The following GAS7 variants were observed in gnomAD, a reference collection of about 807,000 sequenced individuals.
The protein encoded by GAS7 is growth arrest specific 7.
A neutral mutation model predicts 71.1 loss-of-function variants in GAS7; 28 were observed. That is an observed-to-expected ratio of 0.39 (90% CI 0.29 to 0.54). The LOEUF (loss-of-function observed/expected upper bound fraction) is 0.54, where lower values mean the gene tolerates loss of function less well. GAS7 is among the 20% of genes least tolerant of loss of function. GAS7 has a pLI of 0.62. For missense variants in GAS7, 436 were observed against 627.8 expected, an observed-to-expected ratio of 0.69 and a Z score of 3.27; for synonymous variants, 258 against 245.8, an observed-to-expected ratio of 1.05 and a Z score of -0.46.
At chr17:10,155,312 GGCCACCAATAACTCTTTTTAA>G (rs1291379451) in intron 1 of GAS7, among the ~76,000 whole-genome samples, 1 of 138,628 alleles carries the variant, frequency 7.2e-6, no homozygotes, top group East Asian at 2.2e-4. Flanking sequence ...CACCGTGCCC[GGCCACCAATAACTCTTTTTAA>G]GACAAGAAAT....
chr17:10,083,780 T>G (rs138954894), intron 1 of GAS7, among the ~76,000 whole-genome samples: 1,701 of 152,316 alleles, frequency 0.011, 32 homozygotes, highest in African/African-American at 0.039. Context: ...CTGATTGGTT[T>G]GTGAGTATGC....
At chr17:10,170,703 C>G (rs189240502) in intron 1 of GAS7, among the ~76,000 whole-genome samples, 1 of 152,340 alleles carries the variant, frequency 6.6e-6, no homozygotes, top group Admixed American at 6.5e-5. Flanking sequence ...TACTACATCT[C>G]CTACTTTCCA....
intron 1 of GAS7, among the ~76,000 whole-genome samples, chr17:10,127,692 G>A (rs1422737161): frequency 2.0e-5 from 3 of 152,190 alleles, no homozygotes; most frequent in Non-Finnish European, 4.4e-5. Flanking sequence ...GAAAGCAGGG[G>A]CAGAAGGCCC....
At chr17:9,956,848 G>C (rs1162272842) in intron 5 of GAS7, among the ~76,000 whole-genome samples, 1 of 152,206 alleles carries the variant, frequency 6.6e-6, no homozygotes, top group Non-Finnish European at 1.5e-5. Flanking sequence ...CCAGCCTCCT[G>C]AGACCTGAGC....
chr17:9,961,349 C>T (rs2069484450), intron 4 of GAS7, among the ~76,000 whole-genome samples: 1 of 152,174 alleles, frequency 6.6e-6, no homozygotes, highest in Admixed American at 6.6e-5. Context: ...GGAGAAGAGA[C>T]AGGGATAGAA....
chr17:10,097,865 G>A (rs1385403925), intron 1 of GAS7, among the ~76,000 whole-genome samples: 4 of 152,004 alleles, frequency 2.6e-5, no homozygotes, highest in African/African-American at 7.3e-5. Flanking sequence ...CCAACATAGC[G>A]AAACCCCGTC....
At chr17:10,038,118 G>A (rs1403543806) in intron 1 of GAS7, among the ~76,000 whole-genome samples, 1 of 151,730 alleles carries the variant, frequency 6.6e-6, no homozygotes, top group Admixed American at 6.6e-5. Flanking sequence ...AGCACTGTGG[G>A]AGGCCAAGAC....
At position 9,915,282 on chromosome 17, in the gene GAS7, C is replaced by T. The variant is rs998620948; in HGVS notation, c.*1946G>A. 7 of 230,980 alleles carry T rather than the reference C, an allele frequency of 3.0e-5. No individual in the cohort carries two copies. In the East Asian group the frequency reaches 4.3e-4, roughly 14 times the overall value. 14.3% of individuals were successfully genotyped at this position (230,980 alleles called of 1,614,324 possible). A position where few individuals can be genotyped will look rare whatever the true frequency, so the allele number is the denominator to read the frequency against. On this transcript the variant is annotated 3_prime_UTR_variant, in exon 14 of 14. Transcript: ENST00000432992. ...TCAAAATATCTTGTTAATAACAAGG[C>T]TATTGGCTTTGAATGTTTGGAAATC...
chr17:10,180,378 A>G (rs1014846240), intron 1 of GAS7, among the ~76,000 whole-genome samples: 2 of 151,514 alleles, frequency 1.3e-5, no homozygotes, highest in Admixed American at 6.6e-5. Flanking sequence ...AAGTTAAGGT[A>G]AATAATATGC....
At chr17:9,984,301 G>A (rs1254417380) in intron 2 of GAS7, among the ~76,000 whole-genome samples, 2 of 152,034 alleles carry the variant, frequency 1.3e-5, no homozygotes, top group African/African-American at 2.4e-5. Flanking sequence ...CAATACTCCC[G>A]CTCTCTAGGT....
At chr17:9,996,206 T>C (rs1210960767) in intron 2 of GAS7, among the ~76,000 whole-genome samples, 27 of 151,962 alleles carry the variant, frequency 1.8e-4, no homozygotes, top group Admixed American at 1.8e-3. Context: ...ATTAAGAAAA[T>C]GTGGCACATA....
intron 7 of GAS7, 40 bp downstream of exon 7, chr17:9,943,081 T>C (rs2068663923): frequency 3.7e-6 from 5 of 1,336,282 alleles, no homozygotes; most frequent in South Asian, 2.3e-5. Flanking sequence ...CGGGGAACAC[T>C]GGTGCCAGGC....
At chr17:10,098,043 C>CAAAAAA (rs34381280) in intron 1 of GAS7, among the ~76,000 whole-genome samples, 1,710 of 136,786 alleles carry the variant, frequency 0.013, 36 homozygotes, top group African/African-American at 0.042. Context: ...GACTCCATCT[C>CAAAAAA]AAAAAAAAAA....
chr17:10,036,798 A>G lies in GAS7; in HGVS notation c.184-16901T>C, dbSNP rs191755777. ...TCCCTCTTTTTCCCCTTTCTCAGCTAAAAAACGTTGGCTGAGGTCACAACA... is the reference window on the plus strand; with the variant it reads ...TCCCTCTTTTTCCCCTTTCTCAGCTGAAAAACGTTGGCTGAGGTCACAACA... On this transcript the variant is annotated intron_variant, in intron 1 of 13. Coordinates refer to ENST00000432992, the MANE Select transcript of GAS7 (RefSeq NM_201433.2). The G allele has an allele frequency of 2.9e-3, 3,202 of 1,098,650 alleles. 12 individuals are homozygous for G. Among genetic ancestry groups the G allele is most frequent in the Non-Finnish European group, 3.1e-3 (2,720 of 886,826 alleles). The allele number at this position is 1,098,650 out of a possible 1,614,324, so 68.1% of individuals were successfully genotyped here.
intron 1 of GAS7, among the ~76,000 whole-genome samples, chr17:10,178,696 C>G (rs546008401): frequency 8.8e-5 from 12 of 136,136 alleles, no homozygotes; most frequent in Admixed American, 3.9e-4. Flanking sequence ...CTCCCTCCCC[C>G]ACCACCTTTT....
chr17:10,033,629 G>A (rs527643009), intron 1 of GAS7, among the ~76,000 whole-genome samples: 8 of 152,246 alleles, frequency 5.3e-5, no homozygotes, highest in African/African-American at 9.6e-5. Flanking sequence ...CAGATGCACC[G>A]GGGGGCAAAA....
At chr17:10,021,456 TAAACA>T (rs1299968876) in intron 1 of GAS7, among the ~76,000 whole-genome samples, 1 of 152,208 alleles carries the variant, frequency 6.6e-6, no homozygotes, top group Non-Finnish European at 1.5e-5. Context: ...GGACTTTGAG[TAAACA>T]CAGCCTCCCT....
At chr17:10,169,210 G>A (rs1011963324) in intron 1 of GAS7, among the ~76,000 whole-genome samples, 3 of 151,956 alleles carry the variant, frequency 2.0e-5, no homozygotes, top group Non-Finnish European at 4.4e-5. Flanking sequence ...AAGTTGCAGT[G>A]AGCCAAGATC....
At chr17:10,120,836 T>C (rs2073898837) in intron 1 of GAS7, among the ~76,000 whole-genome samples, 1 of 152,196 alleles carries the variant, frequency 6.6e-6, no homozygotes, top group Non-Finnish European at 1.5e-5. Context: ...GGCAGGCTGC[T>C]AGGGGGAGGG....
Sources: gnomAD v4.1 joint callset for allele counts (sites outside exome capture counted in the v4.1 genomes callset) on GRCh38, gnomAD v4.1.1 for gene constraint, MANE v1.5 for transcripts, NCBI Gene and HGNC (gene_info 2026-07-23, HGNC 2026-07-21) for gene names.